The following GSAP variants were observed in gnomAD, a reference collection of about 807,000 sequenced individuals.
GSAP encodes the protein gamma-secretase-activating protein.
GSAP carries 118 observed loss-of-function variants against 131.7 expected under a neutral mutation model. That is an observed-to-expected ratio of 0.90 (90% CI 0.77 to 1.04). The LOEUF (loss-of-function observed/expected upper bound fraction) is 1.04, where lower values mean the gene tolerates loss of function less well. Ranked by LOEUF, GSAP falls within the 50% of genes least tolerant of loss-of-function variation. The pLI is 0.00. For missense variants in GSAP, 1,019 were observed against 1,013.2 expected (o/e 1.01, Z -0.08); for synonymous variants, 381 against 363.4 (o/e 1.05, Z -0.55).
chr7:77,363,247 A>ACC (rs1217292693), intron 12 of GSAP, among the ~76,000 whole-genome samples: 1 of 151,968 alleles, frequency 6.6e-6, no homozygotes, highest in African/African-American at 2.4e-5. Flanking sequence ...GTGAGTCTTG[A>ACC]CCCCCTTCAC....
At chr7:77,395,529 T>C (rs1800226112) in intron 5 of GSAP, among the ~76,000 whole-genome samples, 1 of 152,100 alleles carries the variant, frequency 6.6e-6, no homozygotes, top group Non-Finnish European at 1.5e-5. Context: ...CTGACAGTAC[T>C]GGGAAAAGGA....
chr7:77,351,844 T>C (rs1725201890), intron 18 of GSAP, among the ~76,000 whole-genome samples: 1 of 152,130 alleles, frequency 6.6e-6, no homozygotes, highest in African/African-American at 2.4e-5. Flanking sequence ...AGCAGGGGGT[T>C]GGTAAGGGAG....
intron 20 of GSAP, 180 bp from the exon 21 acceptor site, chr7:77,329,571 A>T (rs1788783046): frequency 5.1e-6 from 2 of 390,080 alleles, no homozygotes; most frequent in Non-Finnish European, 9.2e-6. Flanking sequence ...AAACAATTAC[A>T]GATTCACAGG....
intron 12 of GSAP, among the ~76,000 whole-genome samples, chr7:77,363,542 G>A (rs932367351): frequency 1.2e-4 from 18 of 152,124 alleles, no homozygotes; most frequent in African/African-American, 4.3e-4. Context: ...CTACTTCAGT[G>A]GATTTCAATG....
chr7:77,340,897 T>C (rs1289423482), intron 19 of GSAP, among the ~76,000 whole-genome samples: 2 of 152,102 alleles, frequency 1.3e-5, no homozygotes, highest in African/African-American at 4.8e-5. Flanking sequence ...CTCTTTTCTC[T>C]GGGCTTGCCT....
intron 14 of GSAP, 60 bp from the exon 15 acceptor site, chr7:77,355,707 G>A: frequency 1.1e-6 from 1 of 928,276 alleles, no homozygotes; most frequent in South Asian, 1.3e-5. Context: ...GGTACAGAAT[G>A]TCACATTATC....
chr7:77,406,152 A>T lies in GSAP; in HGVS notation c.110-47T>A, dbSNP rs1802230958. ...AATACTCAGCAGAAGATGGTTAAAAACATATCTAACCAATATATTAGTGAA... is the reference window on the plus strand; with the variant it reads ...AATACTCAGCAGAAGATGGTTAAAATCATATCTAACCAATATATTAGTGAA... On this transcript the variant is annotated intron_variant, in intron 1 of 30. Transcript: ENST00000257626. 3 of 1,088,962 alleles carry T rather than the reference A, an allele frequency of 2.8e-6. No individual in the cohort carries two copies. The Admixed American group carries it at 1.4e-4, about 50-fold the overall frequency. 67.5% of individuals were successfully genotyped at this position (1,088,962 alleles called of 1,614,324 possible).
At chr7:77,367,857 A>ATAT (rs1795545534) in intron 12 of GSAP, among the ~76,000 whole-genome samples, 1 of 152,150 alleles carries the variant, frequency 6.6e-6, no homozygotes, top group South Asian at 2.1e-4. Flanking sequence ...GGTAGGTTAT[A>ATAT]TATTACTGAT....
intron 19 of GSAP, among the ~76,000 whole-genome samples, chr7:77,341,002 C>T (rs1790827190): frequency 1.3e-5 from 2 of 152,172 alleles, no homozygotes; most frequent in African/African-American, 2.4e-5. Context: ...TCTCACCTGA[C>T]CTAAAACCTA....
chr7:77,416,182 C>A, intron 1 of GSAP, 31 bp downstream of exon 1: 1 of 1,077,392 alleles, frequency 9.3e-7, no homozygotes, highest in South Asian at 1.7e-5. Flanking sequence ...ACTCCCCGCC[C>A]CCACCCCTCT....
intron 23 of GSAP, among the ~76,000 whole-genome samples, chr7:77,324,536 A>G (rs944895099): frequency 1.6e-4 from 25 of 152,318 alleles, no homozygotes; most frequent in African/African-American, 6.0e-4. Flanking sequence ...GCAGGTTCAC[A>G]TTACAATACC....
chr7:77,412,776 C>CAAAA (rs34619648), intron 1 of GSAP, among the ~76,000 whole-genome samples: 1 of 110,708 alleles, frequency 9.0e-6, no homozygotes. Flanking sequence ...ACCAGTTTGA[C>CAAAA]AAAAAAAAAA....
At chr7:77,376,066 A>G (rs891388211) in intron 10 of GSAP, among the ~76,000 whole-genome samples, 3 of 152,140 alleles carry the variant, frequency 2.0e-5, no homozygotes, top group African/African-American at 4.8e-5. Context: ...TGGTTAAACT[A>G]TACCCTCTCA....
intron 3 of GSAP, among the ~76,000 whole-genome samples, chr7:77,401,056 CAA>C (rs1367641872): frequency 6.8e-6 from 1 of 147,746 alleles, no homozygotes; most frequent in African/African-American, 2.5e-5. Flanking sequence ...AACAGAAAAT[CAA>C]AAAATAAAAG....
chr7:77,400,282 T>TGGGTG (rs1801106277), intron 3 of GSAP, among the ~76,000 whole-genome samples: 1 of 152,112 alleles, frequency 6.6e-6, no homozygotes, highest in Non-Finnish European at 1.5e-5. Flanking sequence ...ACGTGGATCC[T>TGGGTG]GGACTCCCAC....
At chr7:77,362,686 AGT>A in intron 12 of GSAP, 26 bp from the exon 13 acceptor site, 1 of 1,291,688 alleles carries the variant, frequency 7.7e-7, no homozygotes, top group Non-Finnish European at 1.1e-6. Context: ...TATTTAGTAG[AGT>A]TTAACAGAAT....
intron 19 of GSAP, among the ~76,000 whole-genome samples, chr7:77,333,326 A>T (rs1215457557): frequency 6.6e-6 from 1 of 152,156 alleles, no homozygotes; most frequent in African/African-American, 2.4e-5. Flanking sequence ...CACAGACTAG[A>T]AGATGGATTC....
intron 17 of GSAP, 75 bp from the exon 18 acceptor site, chr7:77,353,101 C>G (rs17806761): frequency 0.076 from 59,066 of 774,672 alleles, 2,647 homozygotes; most frequent in Non-Finnish European, 0.091. Flanking sequence ...GTAATGCAAC[C>G]AAAACACGCA....
chr7:77,354,260 G>A (rs1044563758), intron 16 of GSAP, among the ~76,000 whole-genome samples: 6 of 152,126 alleles, frequency 3.9e-5, no homozygotes, highest in African/African-American at 9.7e-5. Context: ...ATTCAAAACC[G>A]ATTTATGTTA....
Sources: gnomAD v4.1 joint callset for allele counts (sites outside exome capture counted in the v4.1 genomes callset) on GRCh38, gnomAD v4.1.1 for gene constraint, MANE v1.5 for transcripts, NCBI Gene and HGNC (gene_info 2026-07-23, HGNC 2026-07-21) for gene names.